Variants in CALN1 observed in about 807,000 individuals in gnomAD.
The protein encoded by CALN1 is calneuron 1.
A neutral mutation model predicts 30.6 loss-of-function variants in CALN1; 17 were observed. That is an observed-to-expected ratio of 0.56 (90% CI 0.38 to 0.83). The LOEUF is 0.83. Ranked by LOEUF, CALN1 falls within the 40% of genes least tolerant of loss-of-function variation. CALN1 has a pLI of 0.00. For synonymous variants in CALN1, 156 were observed against 131.4 expected, an observed-to-expected ratio of 1.19 and a Z score of -1.28; for missense variants, 291 against 354.9, an observed-to-expected ratio of 0.82 and a Z score of 1.45.
chr7:72,246,382 C>T (rs369641591), intron 3 of CALN1, among the ~76,000 whole-genome samples: 3 of 152,268 alleles, frequency 2.0e-5, no homozygotes, highest in East Asian at 3.9e-4. Flanking sequence ...GACTCGGGCT[C>T]TGCGGTCTAA....
chr7:72,446,540 C>G (rs1808532049), intron 1 of CALN1, among the ~76,000 whole-genome samples: 6 of 152,004 alleles, frequency 3.9e-5, no homozygotes. Flanking sequence ...GGACAGGTGT[C>G]GGCAAGATGT....
chr7:71,994,535 A>T (rs1799144581), intron 5 of CALN1, among the ~76,000 whole-genome samples: 1 of 149,150 alleles, frequency 6.7e-6, no homozygotes, highest in Admixed American at 6.7e-5. Flanking sequence ...AAAAAAAAAC[A>T]GTGATAGTAA....
chr7:72,033,963 A>G (rs1322740862), intron 4 of CALN1, among the ~76,000 whole-genome samples: 1 of 152,092 alleles, frequency 6.6e-6, no homozygotes, highest in East Asian at 1.9e-4. Context: ...GGCATTTCAG[A>G]TGGAACTAAC....
At chr7:72,492,671 T>C in the CALN1 span, among the ~76,000 whole-genome samples, 1 of 152,228 alleles carries the variant, frequency 6.6e-6, no homozygotes, top group African/African-American at 2.4e-5. Flanking sequence ...ATAGTTGGAC[T>C]AGTGATTAGA....
chr7:72,317,054 G>GACAC lies in CALN1; in HGVS notation c.120-38245_120-38244insGTGT, dbSNP rs1387875435. On this transcript the variant is annotated intron_variant, in intron 2 of 6. Transcript: ENST00000395275. ...GGAGGAGGGAAGAGAGAGAGAGAAA[G>GACAC]AGAGAGAGAGAAAGAGAGACACAGA... is the stretch of plus-strand genomic sequence containing the variant. Among the ~76,000 whole-genome samples, 54 of 135,400 alleles carry GACAC rather than the reference G, an allele frequency of 4.0e-4. 1 individual carries two copies. The highest frequency in any genetic ancestry group is 3.3e-3 in the Admixed American group (44 of 13,272). The allele number at this position is 135,400 out of a possible 152,430, so 88.8% of individuals were successfully genotyped here.
At chr7:72,417,362 G>A (rs1395631479) in intron 1 of CALN1, among the ~76,000 whole-genome samples, 1 of 152,198 alleles carries the variant, frequency 6.6e-6, no homozygotes, top group African/African-American at 2.4e-5. Context: ...AACAAAATCA[G>A]GTTGCAGGAA....
intron 3 of CALN1, among the ~76,000 whole-genome samples, chr7:72,128,826 C>T (rs1563082001): frequency 9.9e-5 from 15 of 152,160 alleles, no homozygotes; most frequent in Non-Finnish European, 2.9e-5. Flanking sequence ...GAGCTGAGAT[C>T]GGGCCGCTGC....
At position 72,278,741 on chromosome 7, in the gene CALN1, G is replaced by C. The variant is rs940633095; in HGVS notation, c.189C>G (p.Leu63=). Residue 63 remains leucine (L), a synonymous_variant, in exon 3 of 7, where the codon CTC becomes CTG. Transcript: ENST00000395275. The stretch of plus-strand genomic sequence containing the variant: ...GCTGTTCGCTGTCACTGCCAGCAGA[G>C]AGCGATCGGTTGAGGTAATTCCCCT... ...LYKGNYLNRS[L]SAGSDSEQLA... 2.5e-6 allele frequency: 4 copies of C among 1,614,130 alleles called. No homozygotes were observed. The highest frequency in any genetic ancestry group is 3.4e-6 in the Non-Finnish European group (4 of 1,179,994).
intron 3 of CALN1, among the ~76,000 whole-genome samples, chr7:72,115,990 G>C (rs1807957525): frequency 6.6e-6 from 1 of 152,076 alleles, no homozygotes; most frequent in African/African-American, 2.4e-5. Flanking sequence ...TCCTGCAAAT[G>C]ACAGGATCTC....
chr7:72,321,374 T>A (rs948940438), intron 2 of CALN1, among the ~76,000 whole-genome samples: 3 of 152,122 alleles, frequency 2.0e-5, no homozygotes, highest in African/African-American at 7.2e-5. Flanking sequence ...CACGGCTGGG[T>A]GATAAATGCC....
At chr7:72,491,420 T>A in the CALN1 span, among the ~76,000 whole-genome samples, 1 of 151,500 alleles carries the variant, frequency 6.6e-6, no homozygotes. Context: ...AGTTAAAAAA[T>A]TAGCCAAGTA....
At chr7:72,360,572 A>G (rs1460668254) in intron 2 of CALN1, among the ~76,000 whole-genome samples, 1 of 151,542 alleles carries the variant, frequency 6.6e-6, no homozygotes, top group East Asian at 1.9e-4. Flanking sequence ...AGCATTAGAT[A>G]GAGAAATAAA....
At chr7:72,480,476 A>G in the CALN1 span, among the ~76,000 whole-genome samples, 2 of 151,822 alleles carry the variant, frequency 1.3e-5, no homozygotes, top group African/African-American at 4.8e-5. Flanking sequence ...TTTTCTTATC[A>G]TGTGTTTGCC....
chr7:71,857,162 T>C (rs1450873779), intron 5 of CALN1, among the ~76,000 whole-genome samples: 3 of 151,886 alleles, frequency 2.0e-5, no homozygotes, highest in Non-Finnish European at 4.4e-5. Flanking sequence ...AAGATGTAGG[T>C]CAAAAATATC....
At chr7:72,461,458 T>C in the CALN1 span, among the ~76,000 whole-genome samples, 1 of 152,194 alleles carries the variant, frequency 6.6e-6, no homozygotes, top group Non-Finnish European at 1.5e-5. Flanking sequence ...AAATACACCA[T>C]GGAATACTAC....
chr7:72,252,333 C>T (rs759176722), intron 3 of CALN1, among the ~76,000 whole-genome samples: 2 of 152,174 alleles, frequency 1.3e-5, no homozygotes, highest in African/African-American at 4.8e-5. Flanking sequence ...GGCACAGTGA[C>T]TCACATCTAT....
chr7:72,347,911 T>C (rs1422770205), intron 2 of CALN1, among the ~76,000 whole-genome samples: 1 of 152,054 alleles, frequency 6.6e-6, no homozygotes, highest in African/African-American at 2.4e-5. Context: ...GGTGGATCAC[T>C]TGAGAGGTCA....
At chr7:72,132,259 A>G (rs1241629132) in intron 3 of CALN1, among the ~76,000 whole-genome samples, 3 of 152,184 alleles carry the variant, frequency 2.0e-5, no homozygotes, top group Non-Finnish European at 2.9e-5. Context: ...TGCTTAGGAC[A>G]CTTCCATCAG....
chr7:71,803,012 A>G (rs1373347473), intron 6 of CALN1, among the ~76,000 whole-genome samples: 1 of 152,162 alleles, frequency 6.6e-6, no homozygotes, highest in Non-Finnish European at 1.5e-5. Context: ...TGACAGAACA[A>G]GACCCTGTCT....
Sources: allele counts gnomAD v4.1 joint callset (sites outside exome capture counted in the v4.1 genomes callset), GRCh38; gene constraint gnomAD v4.1.1; transcripts MANE v1.5; gene names NCBI Gene and HGNC (gene_info 2026-07-23, HGNC 2026-07-21).